CNOT6: variants seen among roughly 807,000 people sequenced by gnomAD.
CNOT6 encodes the protein CCR4-NOT transcription complex subunit 6.
Under a neutral mutation model 61.2 loss-of-function variants are expected in CNOT6, and 12 were observed. The ratio of observed to expected loss-of-function variants is 0.20; its 90% CI spans 0.13 to 0.32. CNOT6 has a LOEUF of 0.32. CNOT6 is among the 10% of genes least tolerant of loss of function. CNOT6 has a pLI of 1.00. For synonymous variants in CNOT6, 225 were observed against 240.6 expected (o/e 0.94, Z 0.60); for missense variants, 405 against 663.9 (o/e 0.61, Z 4.28).
intron 1 of CNOT6, among the ~76,000 whole-genome samples, chr5:180,494,977 G>C (rs958173802): frequency 1.4e-4 from 21 of 151,824 alleles, no homozygotes; most frequent in African/African-American, 4.8e-4. Context: ...GTCCCTGGGA[G>C]GGGGGCGTTG....
chr5:180,548,123 C>T (rs747040911), intron 2 of CNOT6, among the ~76,000 whole-genome samples: 5 of 152,148 alleles, frequency 3.3e-5, no homozygotes, highest in Non-Finnish European at 7.3e-5. Flanking sequence ...CCTTGAGATA[C>T]AATTCACACA....
At position 180,564,694 on chromosome 5, in the gene CNOT6, T is replaced by C; in HGVS notation, c.510T>C (p.Pro170=). 4 of 1,614,016 alleles carry C rather than the reference T, an allele frequency of 2.5e-6. No homozygotes were observed. Among genetic ancestry groups the C allele is most frequent in the Non-Finnish European group, 3.4e-6 (4 of 1,179,882 alleles). The change falls in exon 6 of 12, where the codon CCT becomes CCC. Residue 170 remains proline, a synonymous_variant. Transcript: ENST00000261951. ...TAKRITTEQP[P]PRSWIMLQEP... ...AACTAGTTACAACAGAACAACCACC[T>C]CCAAGGTCTTGGATTATGTTACAAG...
intron 11 of CNOT6, among the ~76,000 whole-genome samples, chr5:180,572,510 G>GT (rs904454022): frequency 6.6e-6 from 1 of 151,558 alleles, no homozygotes; most frequent in Non-Finnish European, 1.5e-5. Flanking sequence ...CATTTTTAAC[G>GT]TTAGTGATTG....
intron 3 of CNOT6, among the ~76,000 whole-genome samples, chr5:180,552,645 CAA>C (rs372136116): frequency 3.7e-5 from 5 of 134,664 alleles, no homozygotes; most frequent in Admixed American, 1.5e-4. Context: ...GACTCCGTCT[CAA>C]AAAAAAAAAA....
In CNOT6 at chr5:180,578,250, G is replaced by T. The variant is rs115935546; in HGVS notation, c.*4050G>T. On this transcript the variant is annotated 3_prime_UTR_variant, in exon 12 of 12. Transcript: ENST00000261951. ...TGGTCCTTTTGCATTTAGGATTTTC[G>T]TTGTTGTTACCTTATACCTCATGAT... The T allele has an allele frequency of 6.6e-6, 1 of 152,662 alleles. No homozygotes were observed. The highest frequency in any genetic ancestry group is 2.4e-5 in the African/African-American group (1 of 41,538). The allele number at this position is 152,662 out of a possible 1,614,324, so 9.5% of individuals were successfully genotyped here.
intron 1 of CNOT6, among the ~76,000 whole-genome samples, chr5:180,524,426 A>T (rs933988142): frequency 6.6e-6 from 1 of 151,860 alleles, no homozygotes; most frequent in African/African-American, 2.4e-5. Context: ...CCAATTTGCT[A>T]TGTTTCTTTT....
rs180983249 is a variant in CNOT6 at position 180,566,397 on chromosome 5, C to T, written c.717+420C>T. On this transcript the variant is annotated intron_variant, in intron 7 of 11. Transcript: ENST00000261951. ...TCTCAGTGCAACTCTCATAGTCACT[C>T]ATATGATCTTGAACATGTTACTTTC... 4.6e-5 allele frequency among the ~76,000 whole-genome samples: 7 copies of T among 152,312 alleles called. No homozygotes were observed. In the East Asian group the frequency reaches 1.4e-3, roughly 29 times the overall value.
chr5:180,569,018 C>G, intron 9 of CNOT6, 92 bp from the exon 10 acceptor site: 1 of 910,534 alleles, frequency 1.1e-6, no homozygotes, highest in South Asian at 1.7e-5. Flanking sequence ...TTCTGGGACT[C>G]TGAGAGATTA....
chr5:180,520,564 C>T (rs916218967), intron 1 of CNOT6, among the ~76,000 whole-genome samples: 1 of 151,996 alleles, frequency 6.6e-6, no homozygotes, highest in Non-Finnish European at 1.5e-5. Flanking sequence ...ATCGCTTGAA[C>T]CAGGGAGTCA....
In CNOT6 at chr5:180,574,351, GC is replaced by G. The variant is rs1760917704; in HGVS notation, c.*153del. ...TATTTGATAAGGATATAGTATGAAAGCCAGGTGCTAGCAACAGACAAATTCT... is the reference window on the plus strand; with the variant it reads ...TATTTGATAAGGATATAGTATGAAAGCAGGTGCTAGCAACAGACAAATTCT... On this transcript the variant is annotated 3_prime_UTR_variant, in exon 12 of 12. Coordinates refer to ENST00000261951, the MANE Select transcript of CNOT6 (RefSeq NM_001370472.1). 10 of 669,496 alleles carry G rather than the reference GC, an allele frequency of 1.5e-5. No homozygotes were observed. Among genetic ancestry groups the G allele is most frequent in the Non-Finnish European group, 2.6e-5 (10 of 388,786 alleles). 41.5% of individuals were successfully genotyped at this position (669,496 alleles called of 1,614,324 possible). A position where few individuals can be genotyped will look rare whatever the true frequency, so the allele number is the denominator to read the frequency against.
At chr5:180,569,877 G>A (rs1448526531) in intron 10 of CNOT6, among the ~76,000 whole-genome samples, 9 of 152,166 alleles carry the variant, frequency 5.9e-5, no homozygotes, top group Non-Finnish European at 1.0e-4. Context: ...GATCTGGAGC[G>A]CTCTTTCCGT....
chr5:180,510,623 G>T (rs1326861945), intron 1 of CNOT6, among the ~76,000 whole-genome samples: 2 of 152,120 alleles, frequency 1.3e-5, no homozygotes, highest in Admixed American at 1.3e-4. Flanking sequence ...AAATTCCAGA[G>T]TATGTGTATT....
intron 1 of CNOT6, among the ~76,000 whole-genome samples, chr5:180,502,785 A>G (rs1161757947): frequency 6.6e-6 from 1 of 152,266 alleles, no homozygotes; most frequent in Non-Finnish European, 1.5e-5. Flanking sequence ...AGATGAAGAT[A>G]TGACTTGACT....
chr5:180,529,076 G>A (rs1175544009), intron 1 of CNOT6, among the ~76,000 whole-genome samples, 199 bp from the exon 2 acceptor site: 1 of 152,020 alleles, frequency 6.6e-6, no homozygotes, highest in African/African-American at 2.4e-5. Context: ...CGGCATGGTG[G>A]TGCACGCCTA....
chr5:180,565,809 C>T lies in CNOT6; in HGVS notation c.560-11C>T, dbSNP rs752777931. The T allele has an allele frequency of 6.5e-7, 1 of 1,550,358 alleles. No homozygotes were observed. Among genetic ancestry groups the T allele is most frequent in the Non-Finnish European group, 8.7e-7 (1 of 1,144,838 alleles). On this transcript the variant is annotated splice_polypyrimidine_tract_variant and intron_variant, in intron 6 of 11. Transcript: ENST00000261951. ...CACATGTGTGAATAAGTAAAGTTAT[C>T]TTTCCTACAGCCTTGTTTTCTGTCA...
intron 4 of CNOT6, 51 bp downstream of exon 4, chr5:180,553,522 T>A: frequency 7.1e-7 from 1 of 1,402,032 alleles, no homozygotes; most frequent in Non-Finnish European, 1.0e-6. Flanking sequence ...TGTCTTTGAA[T>A]CTAAAGAAGC....
intron 1 of CNOT6, among the ~76,000 whole-genome samples, chr5:180,500,940 A>G (rs1756843031): frequency 6.6e-6 from 1 of 151,960 alleles, no homozygotes; most frequent in South Asian, 2.1e-4. Context: ...ATGGATAGGG[A>G]TTTGTTAGGT....
At chr5:180,507,186 G>T (rs1408655441) in intron 1 of CNOT6, among the ~76,000 whole-genome samples, 1 of 152,144 alleles carries the variant, frequency 6.6e-6, no homozygotes, top group South Asian at 2.1e-4. Flanking sequence ...GGGGTAAGTG[G>T]GAATTAGGGA....
chr5:180,501,514 T>C (rs1337743684), intron 1 of CNOT6, among the ~76,000 whole-genome samples: 1 of 152,202 alleles, frequency 6.6e-6, no homozygotes, highest in African/African-American at 2.4e-5. Context: ...TGGGGTTTGA[T>C]AGATTTGGTC....
Sources: allele counts gnomAD v4.1 joint callset (sites outside exome capture counted in the v4.1 genomes callset), GRCh38; gene constraint gnomAD v4.1.1; transcripts MANE v1.5; gene names NCBI Gene and HGNC (gene_info 2026-07-23, HGNC 2026-07-21).